DIP2C: variants seen among roughly 807,000 people sequenced by gnomAD.
DIP2C encodes DIP2 acetate--CoA ligase C (putative).
A neutral mutation model predicts 192.4 loss-of-function variants in DIP2C; 33 were observed. The observed-to-expected ratio is 0.17, with a 90% CI of 0.13 to 0.23. The LOEUF (loss-of-function observed/expected upper bound fraction) is 0.23. DIP2C is among the 10% of genes least tolerant of loss of function. The pLI, the probability that DIP2C is intolerant of heterozygous loss-of-function variation, is 1.00. For missense variants in DIP2C, 1,537 were observed against 2,110.1 expected (o/e 0.73, Z 5.32); for synonymous variants, 979 against 864.1 (o/e 1.13, Z -2.33).
chr10:311,550 G>A (rs906767428), intron 31 of DIP2C: 1 of 1,232,322 alleles, frequency 8.1e-7, no homozygotes, highest in African/African-American at 1.6e-5. Flanking sequence ...CTCGGCCAGG[G>A]TCCACAGCCT....
intron 24 of DIP2C, among the ~76,000 whole-genome samples, chr10:352,178 G>A (rs1467955754): frequency 1.3e-5 from 2 of 152,380 alleles, no homozygotes; most frequent in Non-Finnish European, 2.9e-5. Flanking sequence ...CCGCTTTGCT[G>A]TCAGATGACA....
At chr10:558,040 T>G (rs934594374) in intron 1 of DIP2C, among the ~76,000 whole-genome samples, 1 of 152,098 alleles carries the variant, frequency 6.6e-6, no homozygotes, top group Admixed American at 6.5e-5. Flanking sequence ...AATAAAATGC[T>G]TAAGAAGAGT....
intron 1 of DIP2C, among the ~76,000 whole-genome samples, chr10:527,895 A>G (rs536862128): frequency 6.6e-6 from 1 of 152,276 alleles, no homozygotes; most frequent in African/African-American, 2.4e-5. Context: ...ACCAACATCC[A>G]TCGTCCATCC....
intron 1 of DIP2C, among the ~76,000 whole-genome samples, chr10:536,228 TCA>T (rs1847684419): frequency 6.6e-6 from 1 of 152,222 alleles, no homozygotes; most frequent in African/African-American, 2.4e-5. Context: ...GCCTCTGCCT[TCA>T]CACAGCCCTT....
rs1400252450 is a variant in DIP2C at position 414,114 on chromosome 10, A to G, written c.860-4T>C. 6.2e-7 allele frequency: 1 copy of G among 1,609,598 alleles called. No homozygotes were observed. Among genetic ancestry groups the G allele is most frequent in the African/African-American group, 1.3e-5 (1 of 74,860 alleles). On this transcript the variant is annotated splice_polypyrimidine_tract_variant and splice_region_variant and intron_variant, in intron 7 of 36. Transcript: ENST00000280886. ...TGGTTCGGATCCGGTTGTTGAACTA[A>G]ATCGTTTGAATACAAGAGGTTACAA... is the stretch of plus-strand genomic sequence containing the variant.
intron 1 of DIP2C, among the ~76,000 whole-genome samples, chr10:528,401 C>T (rs1481340553): frequency 4.6e-5 from 7 of 150,894 alleles, no homozygotes; most frequent in East Asian, 3.9e-4. Context: ...GAACGCAGAC[C>T]GCCCACTGCT....
chr10:401,797 A>G (rs569480936), intron 9 of DIP2C, among the ~76,000 whole-genome samples: 17 of 145,058 alleles, frequency 1.2e-4, no homozygotes, highest in African/African-American at 3.9e-4. Flanking sequence ...AGTTTGGTAC[A>G]TTTTCATCAG....
In DIP2C at chr10:420,357, G is replaced by A. The variant is rs189597838; in HGVS notation, c.605-1158C>T. ...CGGCCCCTCCTGACGGTGTCAGTCC[G>A]GTGTCACAAGTAGATTCGGCAATGC... is the stretch of plus-strand genomic sequence containing the variant. On this transcript the variant is annotated intron_variant, in intron 5 of 36. Coordinates refer to ENST00000280886, the MANE Select transcript of DIP2C (RefSeq NM_014974.3). Among the ~76,000 whole-genome samples, 210 of 152,338 alleles carry A rather than the reference G, an allele frequency of 1.4e-3. 2 individuals carry two copies. The highest frequency in any genetic ancestry group is 5.0e-3 in the African/African-American group (206 of 41,582).
At chr10:439,367 T>A (rs61837199) in intron 4 of DIP2C, among the ~76,000 whole-genome samples, 1 of 150,854 alleles carries the variant, frequency 6.6e-6, no homozygotes, top group Non-Finnish European at 1.5e-5. Flanking sequence ...GCGTTCACTC[T>A]CTTGCCCGCT....
At chr10:595,367 G>C (rs1851641900) in intron 1 of DIP2C, among the ~76,000 whole-genome samples, 1 of 152,206 alleles carries the variant, frequency 6.6e-6, no homozygotes, top group East Asian at 1.9e-4. Context: ...CCAAATATTG[G>C]CAGTTTCCTA....
intron 9 of DIP2C, among the ~76,000 whole-genome samples, chr10:403,858 G>A (rs1964599580): frequency 9.6e-6 from 1 of 103,928 alleles, no homozygotes; most frequent in Non-Finnish European, 2.0e-5. Context: ...TTACACGTGT[G>A]GTGGCATTAG....
In DIP2C at chr10:362,527, G is replaced by A. The variant is rs41289247; in HGVS notation, c.2757C>T (p.Cys919=). 3,750 of 1,613,968 alleles carry A rather than the reference G, an allele frequency of 2.3e-3. 18 individuals are homozygous for A. The highest frequency in any genetic ancestry group is 0.015 in the Middle Eastern group (90 of 6,018). Residue 919 remains cysteine (C), a synonymous_variant, in exon 22 of 37, where the codon TGC becomes TGT. Coordinates refer to ENST00000280886, the MANE Select transcript of DIP2C (RefSeq NM_014974.3). The stretch of plus-strand genomic sequence containing the variant: ...GTCGAGGCTTAGGCAAGTTTGTGAC[G>A]CAGGTGTGGGGGCACATTAGGACAT... ...PCNVLMCPHT[C]VTNLPKPRQK...
At chr10:640,910 C>T (rs1442074534) in intron 1 of DIP2C, among the ~76,000 whole-genome samples, 2 of 152,074 alleles carry the variant, frequency 1.3e-5, no homozygotes, top group Non-Finnish European at 2.9e-5. Context: ...CTGCATGAAC[C>T]AGCAGCGACC....
chr10:688,907 G>A (rs75896104), intron 1 of DIP2C, among the ~76,000 whole-genome samples: 1 of 152,170 alleles, frequency 6.6e-6, no homozygotes, highest in Non-Finnish European at 1.5e-5. Flanking sequence ...GATCCCCCGG[G>A]CCGCGCCAGG....
At chr10:529,657 C>T (rs997011939) in intron 1 of DIP2C, among the ~76,000 whole-genome samples, 11 of 152,182 alleles carry the variant, frequency 7.2e-5, no homozygotes, top group Non-Finnish European at 1.6e-4. Flanking sequence ...CACCTGGCTC[C>T]GTTGCATCTT....
In DIP2C at chr10:283,343, G is replaced by A; in HGVS notation, c.4223C>T (p.Thr1408Ile). ...GCCTGTGCGTGCCCAGATGGTCTGG[G>A]TGTCTCCAAAACTTAGTCTTGAGTT... ...HFNSRLSFGD[T>I]QTIWARTGYL... The change falls in exon 35 of 37, where the codon ACC (threonine) becomes ATC (isoleucine). Residue 1408 changes from threonine (T) to isoleucine (I), a missense_variant. Thr to Ile is a moderately conservative substitution (Grantham distance 89). This residue lies in a region of DIP2C where 341 missense variants were observed against 551.7 expected (regional missense o/e 0.62). Transcript: ENST00000280886. The A allele has an allele frequency of 6.2e-7, 1 of 1,614,154 alleles. No homozygotes were observed.
At position 348,497 on chromosome 10, in the gene DIP2C, A is replaced by C; in HGVS notation, c.3231+144T>G. 2.3e-6 allele frequency: 3 copies of C among 1,295,558 alleles called. No individual in the cohort carries two copies. In the South Asian group the frequency reaches 4.4e-5, roughly 19 times the overall value. The allele number at this position is 1,295,558 out of a possible 1,614,324, so 80.3% of individuals were successfully genotyped here. A position where few individuals can be genotyped will look rare whatever the true frequency, so the allele number is the denominator to read the frequency against. On this transcript the variant is annotated intron_variant, in intron 26 of 36. Coordinates refer to ENST00000280886, the MANE Select transcript of DIP2C (RefSeq NM_014974.3). The stretch of plus-strand genomic sequence containing the variant: ...TAGACTCTAGGCTCCCTGCAGGTAG[A>C]GACCCTGTCCTGACCGTTTGACTCC...
intron 9 of DIP2C, among the ~76,000 whole-genome samples, chr10:408,319 TACC>T (rs1964955608): frequency 6.6e-6 from 1 of 152,022 alleles, no homozygotes; most frequent in Non-Finnish European, 1.5e-5. Context: ...TCTAAGCCAG[TACC>T]ACATTGTTGT....
chr10:469,612 C>G (rs1489507035), intron 3 of DIP2C, among the ~76,000 whole-genome samples: 4 of 152,132 alleles, frequency 2.6e-5, no homozygotes, highest in Non-Finnish European at 5.9e-5. Context: ...CCACAGCACC[C>G]AGCCCTGACA....
Sources: allele counts gnomAD v4.1 joint callset (sites outside exome capture counted in the v4.1 genomes callset), GRCh38; gene constraint gnomAD v4.1.1; regional missense constraint gnomAD v4.1.1; transcripts MANE v1.5; gene names NCBI Gene and HGNC (gene_info 2026-07-23, HGNC 2026-07-21).